The following KDM5D variants were observed in gnomAD, a reference collection of about 807,000 sequenced individuals.
KDM5D encodes the protein lysine demethylase 5D, also known as lysine-specific demethylase 5D.
Under a neutral mutation model 31.9 loss-of-function variants are expected in KDM5D, and 25 were observed. That is an observed-to-expected ratio of 0.78 (90% CI 0.57 to 1.09). The LOEUF is 1.09. Among genes scored for constraint, KDM5D ranks in the 50% least tolerant of loss-of-function variants. The probability of loss-of-function intolerance (pLI) is 0.00; values close to 1 mark genes in which losing one functional copy is unlikely to be tolerated. For synonymous variants in KDM5D, 146 were observed against 122.3 expected (o/e 1.19, Z -1.28); for missense variants, 366 against 341.6 (o/e 1.07, Z -0.56).
Position 19,706,870 on chromosome Y carries a change from GA to G in KDM5D, c.4000-8del. The G allele has an allele frequency of 5.2e-6, 2 of 388,116 alleles. No individual in the cohort carries two copies. Among genetic ancestry groups the G allele is most frequent in the Non-Finnish European group, 7.3e-6 (2 of 274,347 alleles). ...TCTCCAGCAGCCCTTGGACCTATCG[GA>G]AAAAAAGAATGGGTAACAATAATTG... On this transcript the variant is annotated splice_region_variant and splice_polypyrimidine_tract_variant and intron_variant, in intron 24 of 26. Transcript: ENST00000317961.
At position 19,706,036 on chromosome Y, in the gene KDM5D, G is replaced by A; in HGVS notation, c.4579C>T (p.Pro1527Ser). Residue 1527 changes from proline (P) to serine (S), a missense_variant, in exon 27 of 27, where the codon CCT becomes TCT. Coordinates refer to ENST00000317961, the MANE Select transcript of KDM5D (RefSeq NM_004653.5). ...GSSAACPSLMPLLQLSYSDEQ... is the reference protein window; with the variant it reads ...GSSAACPSLMSLLQLSYSDEQ... ...TCAGAGTAGGAGAGTTGTAGCAAAG[G>A]CATTAAAGAAGGACAAGCAGCTGAA... 1 of 396,919 alleles carries A rather than the reference G, an allele frequency of 2.5e-6. No individual in the cohort carries two copies. Among genetic ancestry groups the A allele is most frequent in the Non-Finnish European group, 3.5e-6 (1 of 282,084 alleles).
chrY:19,708,847 G>C, intron 21 of KDM5D, 28 bp downstream of exon 21: 1 of 388,345 alleles, frequency 2.6e-6, no homozygotes, highest in Non-Finnish European at 3.6e-6. Flanking sequence ...CTGGCCTGAC[G>C]CAGTAAAGCA....
At chrY:19,722,385 AG>A (rs2045400124) in intron 11 of KDM5D, 1 of 33,586 alleles carries the variant, frequency 3.0e-5, no homozygotes, top group Non-Finnish European at 7.4e-5. Flanking sequence ...CCCCAAAGGA[AG>A]TAAAAACTTA....
chrY:19,728,182 A>C (rs1023302835), intron 11 of KDM5D, among the ~76,000 whole-genome samples: 4 of 33,350 alleles, frequency 1.2e-4, no homozygotes, highest in Non-Finnish European at 3.0e-4. Flanking sequence ...AGTCAAATAG[A>C]AAAAGCAAAA....
chrY:19,719,357 C>A (rs2045377087), intron 13 of KDM5D, among the ~76,000 whole-genome samples: 2 of 32,944 alleles, frequency 6.1e-5, no homozygotes, highest in African/African-American at 2.4e-4. Context: ...TCAAGAAAGG[C>A]ACTAAAATTA....
At position 19,709,497 on chromosome Y, in the gene KDM5D, T is replaced by C; in HGVS notation, c.2896A>G (p.Ile966Val). The C allele has an allele frequency of 2.5e-6, 1 of 398,661 alleles. No homozygotes were observed. Among genetic ancestry groups the C allele is most frequent in the East Asian group, 9.2e-5 (1 of 10,862 alleles). ...GCCTTTTCTTCCCAGCGCTCTGCAA[T>C]GGTCAGTAGTTCTTGCAGCTCAGCC... ...ARAELQELLT[I>V]AERWEEKAHF... Residue 966 changes from isoleucine to valine, a missense_variant, in exon 20 of 27, where the codon ATT becomes GTT. By Grantham distance (29) the Ile-to-Val change is conservative. Transcript: ENST00000317961.
chrY:19,736,355 C>T, intron 6 of KDM5D, among the ~76,000 whole-genome samples: 5 of 32,618 alleles, frequency 1.5e-4, no homozygotes, highest in Admixed American at 5.6e-4. Flanking sequence ...TTACATTTTC[C>T]GTTTATTTTA....
At chrY:19,720,112 G>A (rs2045381544) in intron 13 of KDM5D, among the ~76,000 whole-genome samples, 1 of 32,324 alleles carries the variant, frequency 3.1e-5, no homozygotes, top group Non-Finnish European at 7.6e-5. Context: ...TACAGCACGA[G>A]AGACAAAAAA....
In KDM5D at chrY:19,735,351, C is replaced by T; in HGVS notation, c.933+1G>A. The T allele has an allele frequency of 2.5e-6, 1 of 396,295 alleles. No homozygotes were observed. Among genetic ancestry groups the T allele is most frequent in the Non-Finnish European group, 3.6e-6 (1 of 281,379 alleles). On this transcript the variant is annotated splice_donor_variant, in intron 8 of 26. Transcript: ENST00000317961. LOFTEE classifies it high-confidence loss of function. ...AATATTACAAAATCATGAGTCCTTACAAACTGGGCACTGCTGTGATTCTTT... is the reference window on the plus strand; with the variant it reads ...AATATTACAAAATCATGAGTCCTTATAAACTGGGCACTGCTGTGATTCTTT...
Position 19,708,862 on chromosome Y carries a change from T to C in KDM5D, c.3081+13A>G. The stretch of plus-strand genomic sequence containing the variant: ...CTGGCCTGACGCAGTAAAGCAGAAA[T>C]ACTGATCCTCACTTGGATCTCATCC... On this transcript the variant is annotated intron_variant, in intron 21 of 26. Coordinates refer to ENST00000317961, the MANE Select transcript of KDM5D (RefSeq NM_004653.5). 3 of 396,336 alleles carry C rather than the reference T, an allele frequency of 7.6e-6. No individual in the cohort carries two copies. Among genetic ancestry groups the C allele is most frequent in the Non-Finnish European group, 1.1e-5 (3 of 281,365 alleles).
intron 13 of KDM5D, 150 bp downstream of exon 13, chrY:19,720,722 G>A: frequency 5.9e-6 from 1 of 169,001 alleles, no homozygotes; most frequent in South Asian, 4.6e-5. Flanking sequence ...GCAACTTGAA[G>A]TCAGCAAGGG....
chrY:19,715,394 C>T lies in KDM5D; in HGVS notation c.2444G>A (p.Cys815Tyr). 1 of 398,420 alleles carries T rather than the reference C, an allele frequency of 2.5e-6. No individual in the cohort carries two copies. Among genetic ancestry groups the T allele is most frequent in the Non-Finnish European group, 3.5e-6 (1 of 283,354 alleles). ...GACCAGCCCCAGGACTTGAGCAATA[C>T]AAGCCTCCACCTCACTCAGGCAGTT... is the stretch of plus-strand genomic sequence containing the variant. ...LKNCLSEVEA[C>Y]IAQVLGLVSG... The change falls in exon 18 of 27, where the codon TGT becomes TAT. Residue 815 changes from cysteine to tyrosine, a missense_variant. Coordinates refer to ENST00000317961, the MANE Select transcript of KDM5D (RefSeq NM_004653.5).
intron 2 of KDM5D, among the ~76,000 whole-genome samples, chrY:19,743,934 G>A: frequency 3.0e-5 from 1 of 33,297 alleles, no homozygotes; most frequent in South Asian, 6.6e-4. Context: ...GATGGCAAAG[G>A]ATGCCACATC....
At position 19,741,497 on chromosome Y, in the gene KDM5D, A is replaced by G. The variant is rs2032626; in HGVS notation, c.352-9T>C. ...CCTTCCTCAATCACAATCTGAAAGT[A>G]TAAGAAACAATATGGATGAACTGTG... On this transcript the variant is annotated splice_polypyrimidine_tract_variant and intron_variant, in intron 4 of 26. Coordinates refer to ENST00000317961, the MANE Select transcript of KDM5D (RefSeq NM_004653.5). The G allele has an allele frequency of 5.1e-3, 1,871 of 365,679 alleles. No individual in the cohort carries two copies. In the East Asian group the frequency reaches 0.17, roughly 34 times the overall value. The allele number at this position is 365,679 out of a possible 400,897, so 91.2% of individuals were successfully genotyped here. A position where few individuals can be genotyped will look rare whatever the true frequency, so the allele number is the denominator to read the frequency against.
At chrY:19,733,079 G>A in intron 8 of KDM5D, among the ~76,000 whole-genome samples, 1 of 33,487 alleles carries the variant, frequency 3.0e-5, no homozygotes, top group East Asian at 7.9e-4. Flanking sequence ...TCAAGTGACC[G>A]AATATCCAGT....
At chrY:19,724,151 T>C (rs2045413203) in intron 11 of KDM5D, among the ~76,000 whole-genome samples, 1 of 32,893 alleles carries the variant, frequency 3.0e-5, no homozygotes, top group South Asian at 6.9e-4. Context: ...CTCTTATGAG[T>C]AGGGGCTAAA....
At chrY:19,713,909 T>A in intron 18 of KDM5D, among the ~76,000 whole-genome samples, 1 of 33,510 alleles carries the variant, frequency 3.0e-5, no homozygotes, top group South Asian at 6.7e-4. Flanking sequence ...TAAATGACCA[T>A]TAATGATAGA....
intron 11 of KDM5D, among the ~76,000 whole-genome samples, chrY:19,730,723 A>G: frequency 3.0e-5 from 1 of 33,200 alleles, no homozygotes; most frequent in Non-Finnish European, 7.5e-5. Context: ...AGAAGAAACA[A>G]TCTACTACAT....
chrY:19,715,775 C>T, intron 16 of KDM5D, 36 bp from the exon 17 acceptor site: 2 of 398,524 alleles, frequency 5.0e-6, no homozygotes, highest in South Asian at 5.9e-5. Flanking sequence ...ACACATCTGG[C>T]CCAGCTCTAA....
Sources: gnomAD v4.1 joint callset for allele counts (sites outside exome capture counted in the v4.1 genomes callset) on GRCh38, gnomAD v4.1.1 for gene constraint, MANE v1.5 for transcripts, NCBI Gene and HGNC (gene_info 2026-07-23, HGNC 2026-07-21) for gene names.